Variants in TNRC6A observed in about 807,000 individuals in gnomAD.
The protein encoded by TNRC6A is trinucleotide repeat-containing gene 6A protein.
In TNRC6A, 44 loss-of-function variants were observed where a neutral mutation model predicts 221.2. The observed-to-expected ratio is 0.20, with a 90% confidence interval of 0.16 to 0.26. The LOEUF (loss-of-function observed/expected upper bound fraction) is 0.26. TNRC6A is among the 10% of genes least tolerant of loss of function. The pLI, the probability that TNRC6A is intolerant of heterozygous loss-of-function variation, is 1.00. For missense variants in TNRC6A, 2,199 were observed against 2,404.4 expected, an observed-to-expected ratio of 0.91 and a Z score of 1.79; for synonymous variants, 847 against 838.5, an observed-to-expected ratio of 1.01 and a Z score of -0.18.
chr16:24,685,731 G>A (rs1377748970), intron 2 of TNRC6A, among the ~76,000 whole-genome samples: 6 of 152,158 alleles, frequency 3.9e-5, no homozygotes, highest in Non-Finnish European at 8.8e-5. Context: ...GTGCCCTTGG[G>A]CGAGTCACTC....
intron 6 of TNRC6A, among the ~76,000 whole-genome samples, 163 bp downstream of exon 6, chr16:24,791,980 C>T (rs1003949856): frequency 6.6e-6 from 1 of 151,964 alleles, no homozygotes; most frequent in Admixed American, 6.6e-5. Flanking sequence ...GAGAACAGAA[C>T]TCCACTTTTG....
At chr16:24,643,795 G>A (rs970482760) in intron 2 of TNRC6A, among the ~76,000 whole-genome samples, 18 of 149,550 alleles carry the variant, frequency 1.2e-4, no homozygotes, top group African/African-American at 3.4e-4. Flanking sequence ...ATCCTATGCC[G>A]AATTTGACTT....
At chr16:24,764,174 A>G (rs1196445978) in intron 4 of TNRC6A, among the ~76,000 whole-genome samples, 8 of 151,408 alleles carry the variant, frequency 5.3e-5, no homozygotes, top group Admixed American at 5.3e-4. Flanking sequence ...TTCCACTTGT[A>G]AGTGAGATCT....
chr16:24,764,060 TA>T (rs2057419090), intron 4 of TNRC6A, among the ~76,000 whole-genome samples: 1 of 152,128 alleles, frequency 6.6e-6, no homozygotes. Context: ...TCCCTAGACT[TA>T]CCCACATACG....
At chr16:24,709,173 C>T (rs1370028710) in intron 2 of TNRC6A, among the ~76,000 whole-genome samples, 2 of 151,970 alleles carry the variant, frequency 1.3e-5, no homozygotes, top group African/African-American at 2.4e-5. Context: ...AGGAGAATTG[C>T]TTGAACCCAG....
chr16:24,688,371 A>G (rs1320405196), intron 2 of TNRC6A, among the ~76,000 whole-genome samples: 1 of 152,146 alleles, frequency 6.6e-6, no homozygotes, highest in Non-Finnish European at 1.5e-5. Flanking sequence ...TACACTGTGA[A>G]TGAGATGGTG....
chr16:24,785,264 C>T (rs2057941755), intron 5 of TNRC6A, among the ~76,000 whole-genome samples: 1 of 152,160 alleles, frequency 6.6e-6, no homozygotes, highest in Non-Finnish European at 1.5e-5. Flanking sequence ...ACTTGCTTTA[C>T]AGAATTTTTA....
intron 2 of TNRC6A, among the ~76,000 whole-genome samples, chr16:24,697,731 C>T (rs1049603290): frequency 6.6e-5 from 10 of 151,120 alleles, no homozygotes; most frequent in African/African-American, 2.4e-4. Flanking sequence ...ATCAGCATTA[C>T]CTGGGAGCTT....
intron 2 of TNRC6A, among the ~76,000 whole-genome samples, chr16:24,702,523 GC>G (rs2056007271): frequency 6.6e-6 from 1 of 152,036 alleles, no homozygotes; most frequent in African/African-American, 2.4e-5. Flanking sequence ...TGCTATTTAA[GC>G]TATTGCAGAT....
intron 11 of TNRC6A, chr16:24,803,975 C>A (rs1389505955): frequency 2.0e-6 from 1 of 505,226 alleles, no homozygotes; most frequent in East Asian, 3.5e-5. Context: ...TTAATTATTT[C>A]AGTAAAATAA....
chr16:24,617,895 T>A (rs897671192), intron 1 of TNRC6A, among the ~76,000 whole-genome samples: 15 of 152,086 alleles, frequency 9.9e-5, no homozygotes, highest in African/African-American at 3.6e-4. Context: ...TTAATTTTTT[T>A]ATTTTATTTT....
chr16:24,804,092 A>G (rs1596775001), intron 11 of TNRC6A, 85 bp from the exon 12 acceptor site: 3 of 1,391,544 alleles, frequency 2.2e-6, no homozygotes, highest in African/African-American at 3.0e-5. Flanking sequence ...CAGTTTGGAA[A>G]GTGAGTGTTT....
At chr16:24,813,881 T>A (rs1221822090) in intron 18 of TNRC6A, among the ~76,000 whole-genome samples, 1 of 152,226 alleles carries the variant, frequency 6.6e-6, no homozygotes, top group African/African-American at 2.4e-5. Context: ...GAAAAAAATA[T>A]ATAATTACGT....
intron 15 of TNRC6A, 66 bp downstream of exon 15, chr16:24,805,799 ACT>A: frequency 6.2e-7 from 1 of 1,602,420 alleles, no homozygotes; most frequent in South Asian, 1.1e-5. Flanking sequence ...CAAACACTAG[ACT>A]CTGTGCGGGA....
At chr16:24,635,715 T>C (rs544987424) in intron 1 of TNRC6A, among the ~76,000 whole-genome samples, 1 of 152,358 alleles carries the variant, frequency 6.6e-6, no homozygotes, top group Non-Finnish European at 1.5e-5. Context: ...TCTCTTATTA[T>C]TTCTGAGAGT....
intron 19 of TNRC6A, 59 bp downstream of exon 19, chr16:24,815,364 C>T (rs1009036981): frequency 3.2e-6 from 5 of 1,579,044 alleles, no homozygotes; most frequent in African/African-American, 1.3e-5. Flanking sequence ...GGTTTTGTTA[C>T]ATCTGGACTT....
At chr16:24,719,670 A>C (rs958704545) in intron 2 of TNRC6A, among the ~76,000 whole-genome samples, 1 of 151,830 alleles carries the variant, frequency 6.6e-6, no homozygotes, top group African/African-American at 2.4e-5. Flanking sequence ...AAAAAATTAA[A>C]AAAATAAAAA....
chr16:24,772,713 G>T (rs942076831), intron 4 of TNRC6A, among the ~76,000 whole-genome samples: 3 of 152,038 alleles, frequency 2.0e-5, no homozygotes, highest in Non-Finnish European at 2.9e-5. Flanking sequence ...AACCAGGGAG[G>T]TGGAGGTTGC....
At position 24,657,331 on chromosome 16, in the gene TNRC6A, A is replaced by C. The variant is rs1259213286; in HGVS notation, n.402+16322A>C. Reference sequence around the variant, plus strand: ...AGACCCTATCTCAAAAAAAAAAAAAAAAAAAAAAAAACAAACAAACAAAGA... The same window carrying C: ...AGACCCTATCTCAAAAAAAAAAAAACAAAAAAAAAAACAAACAAACAAAGA... On this transcript the variant is annotated intron_variant and non_coding_transcript_variant, in intron 2 of 2. Coordinates refer to the TNRC6A transcript ENST00000566108. 7.2e-4 allele frequency among the ~76,000 whole-genome samples: 106 copies of C among 147,794 alleles called. 2 individuals carry two copies. Among genetic ancestry groups the C allele is most frequent in the African/African-American group, 8.7e-4 (35 of 40,194 alleles).
Sources: allele counts gnomAD v4.1 joint callset (sites outside exome capture counted in the v4.1 genomes callset), GRCh38; gene constraint gnomAD v4.1.1; transcripts MANE v1.5; gene names NCBI Gene and HGNC (gene_info 2026-07-23, HGNC 2026-07-21).